The following ESRRG variants were observed in gnomAD, a reference collection of about 807,000 sequenced individuals.
ESRRG encodes estrogen related receptor gamma, also known as estrogen-related receptor gamma.
In ESRRG, 13 loss-of-function variants were observed where a neutral mutation model predicts 44.0. That is an observed-to-expected ratio of 0.30 (90% CI 0.19 to 0.47). The LOEUF is 0.47. ESRRG is among the 20% of genes least tolerant of loss of function. The pLI, the probability that ESRRG is intolerant of heterozygous loss-of-function variation, is 1.00. For missense variants in ESRRG, 395 were observed against 580.6 expected (o/e 0.68, Z 3.29); for synonymous variants, 215 against 214.6 (o/e 1.00, Z -0.02).
intron 1 of ESRRG, among the ~76,000 whole-genome samples, chr1:217,050,375 A>G (rs747895659): frequency 3.9e-5 from 6 of 152,212 alleles, no homozygotes; most frequent in Non-Finnish European, 8.8e-5. Context: ...ATTAGATGGG[A>G]TAGACCACAT....
At chr1:216,951,175 G>T (rs1337772632) in intron 1 of ESRRG, among the ~76,000 whole-genome samples, 1 of 152,148 alleles carries the variant, frequency 6.6e-6, no homozygotes, top group Non-Finnish European at 1.5e-5. Flanking sequence ...GATGCAGCAA[G>T]TGTCAATACT....
At chr1:216,680,723 T>C (rs948009915) in intron 1 of ESRRG, among the ~76,000 whole-genome samples, 1 of 152,330 alleles carries the variant, frequency 6.6e-6, no homozygotes, top group South Asian at 2.1e-4. Context: ...AACCTAAAAC[T>C]ACAGCGAGTC....
intron 2 of ESRRG, among the ~76,000 whole-genome samples, chr1:216,887,328 T>C (rs2096529958): frequency 6.6e-6 from 1 of 152,184 alleles, no homozygotes; most frequent in Admixed American, 6.5e-5. Context: ...ATTCATACTG[T>C]AGGAAAATAG....
At chr1:216,811,032 A>T (rs559060689) in intron 2 of ESRRG, among the ~76,000 whole-genome samples, 4 of 152,066 alleles carry the variant, frequency 2.6e-5, no homozygotes, top group Non-Finnish European at 5.9e-5. Context: ...TTTGAGAGGC[A>T]AAAATAAATT....
At position 216,910,592 on chromosome 1, in the gene ESRRG, T is replaced by C. The variant is rs138970974; in HGVS notation, c.-14+28990A>G. ...CAGGACTGGACAGAGGATAAAAATT[T>C]GGCATTTCTAATAAATAGGACACTA... is the stretch of plus-strand genomic sequence containing the variant. On this transcript the variant is annotated intron_variant, in intron 2 of 7. Coordinates refer to the ESRRG transcript ENST00000359162. Among the ~76,000 whole-genome samples the C allele has an allele frequency of 1.2e-3, 187 of 152,322 alleles. 6 individuals carry two copies. Among genetic ancestry groups the C allele is most frequent in the African/African-American group, 4.3e-3 (178 of 41,576 alleles).
intron 1 of ESRRG, among the ~76,000 whole-genome samples, chr1:216,990,354 T>C (rs1004029489): frequency 6.6e-6 from 1 of 152,232 alleles, no homozygotes; most frequent in Non-Finnish European, 1.5e-5. Context: ...AAAAAGCATA[T>C]AACTTTAAAA....
At chr1:217,052,480 C>A (rs564745812) in intron 1 of ESRRG, among the ~76,000 whole-genome samples, 4 of 152,174 alleles carry the variant, frequency 2.6e-5, no homozygotes, top group Non-Finnish European at 5.9e-5. Context: ...TGAGTAGTAA[C>A]CACATATTAC....
intron 2 of ESRRG, among the ~76,000 whole-genome samples, chr1:216,658,487 G>A (rs910965672): frequency 2.6e-5 from 4 of 151,892 alleles, no homozygotes; most frequent in Non-Finnish European, 4.4e-5. Flanking sequence ...GCATACAGTT[G>A]AGAAAAATGT....
intron 2 of ESRRG, among the ~76,000 whole-genome samples, chr1:216,652,230 T>C (rs1365912816): frequency 6.6e-6 from 1 of 152,188 alleles, no homozygotes; most frequent in Non-Finnish European, 1.5e-5. Context: ...CCAAGTCCCC[T>C]GAAACATGCG....
intron 2 of ESRRG, among the ~76,000 whole-genome samples, chr1:216,830,362 C>G (rs1055465702): frequency 6.6e-6 from 1 of 152,170 alleles, no homozygotes; most frequent in Non-Finnish European, 1.5e-5. Flanking sequence ...TGCTCAGAAA[C>G]AGTGGCACAG....
chr1:217,050,958 C>T (rs569174376), intron 1 of ESRRG, among the ~76,000 whole-genome samples: 2 of 151,974 alleles, frequency 1.3e-5, no homozygotes, highest in African/African-American at 2.4e-5. Context: ...TTAGAAATAG[C>T]CAGGTGTGGG....
intron 2 of ESRRG, among the ~76,000 whole-genome samples, chr1:216,774,055 G>T (rs780098173): frequency 2.6e-5 from 4 of 152,038 alleles, no homozygotes; most frequent in Admixed American, 2.0e-4. Context: ...ACCATTTAAA[G>T]ATGAATGCGT....
intron 3 of ESRRG, among the ~76,000 whole-genome samples, chr1:216,605,316 C>A (rs1027528248): frequency 2.6e-5 from 4 of 151,974 alleles, no homozygotes; most frequent in African/African-American, 9.7e-5. Flanking sequence ...GTGATCTGTA[C>A]TTTCACAATA....
chr1:216,603,144 T>C (rs1422614663), intron 3 of ESRRG, among the ~76,000 whole-genome samples: 3 of 152,378 alleles, frequency 2.0e-5, no homozygotes, highest in African/African-American at 7.2e-5. Flanking sequence ...CCCATTTTAA[T>C]GATTAAAGAT....
At chr1:217,079,809 G>A (rs997936184) in intron 1 of ESRRG, among the ~76,000 whole-genome samples, 3 of 152,146 alleles carry the variant, frequency 2.0e-5, no homozygotes, top group Non-Finnish European at 2.9e-5. Context: ...GACACTGGGG[G>A]CACAAAGTCA....
At chr1:216,924,098 T>C (rs1275980427) in intron 2 of ESRRG, among the ~76,000 whole-genome samples, 2 of 152,092 alleles carry the variant, frequency 1.3e-5, no homozygotes, top group Non-Finnish European at 2.9e-5. Context: ...AGCAAGTGGA[T>C]CCAGAAATGA....
At chr1:216,995,018 C>A (rs17044843) in intron 1 of ESRRG, among the ~76,000 whole-genome samples, 3,358 of 152,268 alleles carry the variant, frequency 0.022, 122 homozygotes, top group African/African-American at 0.075. Flanking sequence ...AGATGGCATT[C>A]GTCTTCAGGG....
rs757919402 is a variant in ESRRG at position 216,920,419 on chromosome 1, T to TGC, written c.-14+19161_-14+19162dup. ...GTGTGTGTGTGTGTGTGTGTGTGTG[T>TGC]GCGCATATTTTTCTGTAGGGACAAT... On this transcript the variant is annotated intron_variant, in intron 2 of 7. Coordinates refer to the ESRRG transcript ENST00000359162. Among the ~76,000 whole-genome samples, 421 of 57,026 alleles carry TGC rather than the reference T, an allele frequency of 7.4e-3. 1 individual carries two copies. Among genetic ancestry groups the TGC allele is most frequent in the African/African-American group, 0.02 (395 of 19,598 alleles). 37.4% of individuals were successfully genotyped at this position (57,026 alleles called of 152,430 possible).
chr1:217,128,906 G>A (rs537642218), intron 1 of ESRRG, among the ~76,000 whole-genome samples: 9 of 152,204 alleles, frequency 5.9e-5, no homozygotes, highest in Non-Finnish European at 1.2e-4. Context: ...TCAGGCGGAG[G>A]TAGGAGGATC....
Sources: allele counts gnomAD v4.1 joint callset (sites outside exome capture counted in the v4.1 genomes callset), GRCh38; gene constraint gnomAD v4.1.1; transcripts MANE v1.5; gene names NCBI Gene and HGNC (gene_info 2026-07-23, HGNC 2026-07-21).